Variants in SCHIP1 observed in about 807,000 individuals in gnomAD.
The protein encoded by SCHIP1 is schwannomin interacting protein 1, also known as schwannomin-interacting protein 1.
In SCHIP1, 8 loss-of-function variants were observed where a neutral mutation model predicts 29.7. That is an observed-to-expected ratio of 0.27 (90% CI 0.16 to 0.49). The LOEUF (loss-of-function observed/expected upper bound fraction) is 0.49. SCHIP1 is among the 20% of genes least tolerant of loss of function. SCHIP1 has a pLI of 0.99. For missense variants in SCHIP1, 193 were observed against 294.6 expected (o/e 0.66, Z 2.52); for synonymous variants, 76 against 94.9 (o/e 0.80, Z 1.16).
At chr3:159,651,384 G>C in the SCHIP1 span, among the ~76,000 whole-genome samples, 1 of 152,138 alleles carries the variant, frequency 6.6e-6, no homozygotes, top group South Asian at 2.1e-4. Flanking sequence ...ATTTAGAAGT[G>C]TCCCCATGCA....
chr3:159,717,927 A>G, the SCHIP1 span, among the ~76,000 whole-genome samples: 2 of 152,192 alleles, frequency 1.3e-5, no homozygotes, highest in Non-Finnish European at 2.9e-5. Flanking sequence ...GACACAACAA[A>G]AAAAGAGAAT....
the SCHIP1 span, among the ~76,000 whole-genome samples, chr3:159,637,966 A>G: frequency 6.6e-6 from 1 of 152,234 alleles, no homozygotes; most frequent in Non-Finnish European, 1.5e-5. Context: ...CCATCTATGT[A>G]TCACAATGTG....
chr3:159,425,463 A>G, the SCHIP1 span, among the ~76,000 whole-genome samples: 1 of 152,068 alleles, frequency 6.6e-6, no homozygotes, highest in Non-Finnish European at 1.5e-5. Flanking sequence ...ACATAATGGT[A>G]AAGGGATCAA....
At chr3:159,328,116 G>A in the SCHIP1 span, among the ~76,000 whole-genome samples, 1 of 152,048 alleles carries the variant, frequency 6.6e-6, no homozygotes, top group South Asian at 2.1e-4. Flanking sequence ...TGTGCCTATT[G>A]GAATTTAAAT....
the SCHIP1 span, among the ~76,000 whole-genome samples, chr3:159,609,842 A>G: frequency 6.6e-6 from 1 of 152,018 alleles, no homozygotes; most frequent in South Asian, 2.1e-4. Context: ...GGAATTTAGA[A>G]TTTATTTGCT....
the SCHIP1 span, among the ~76,000 whole-genome samples, chr3:159,357,632 C>A: frequency 0.11 from 16,562 of 152,176 alleles, 2,754 homozygotes; most frequent in African/African-American, 0.36. Flanking sequence ...CTTTATTCAT[C>A]CTGTTTTTAG....
At chr3:159,379,515 G>A in the SCHIP1 span, among the ~76,000 whole-genome samples, 3 of 152,102 alleles carry the variant, frequency 2.0e-5, no homozygotes, top group Non-Finnish European at 2.9e-5. Flanking sequence ...GAGCCACCTT[G>A]CCCAGCCAAT....
chr3:159,725,665 A>T, the SCHIP1 span, among the ~76,000 whole-genome samples: 1 of 152,226 alleles, frequency 6.6e-6, no homozygotes, highest in Admixed American at 6.5e-5. Flanking sequence ...ACTTTCAAGA[A>T]GAAAAAGGTG....
the SCHIP1 span, among the ~76,000 whole-genome samples, chr3:159,748,855 G>A: frequency 6.6e-6 from 1 of 152,060 alleles, no homozygotes. Flanking sequence ...ACTAAAAATG[G>A]GTAACCAAAC....
chr3:159,412,911 A>G, the SCHIP1 span, among the ~76,000 whole-genome samples: 2 of 152,156 alleles, frequency 1.3e-5, no homozygotes, highest in Admixed American at 1.3e-4. Context: ...CCATTCTCAC[A>G]CTGCTATAAA....
Position 159,849,967 on chromosome 3 carries a change from C to G in SCHIP1, c.30+9753C>G, listed in dbSNP as rs1712363236. On this transcript the variant is annotated intron_variant, in intron 1 of 6. Transcript: ENST00000445224. ...AGTGTTCTACATGCTATGGGGTAAACAAGATGACAAATCCCTGTCCCCTTA... is the reference window on the plus strand; with the variant it reads ...AGTGTTCTACATGCTATGGGGTAAAGAAGATGACAAATCCCTGTCCCCTTA... Among the ~76,000 whole-genome samples the G allele has an allele frequency of 1.3e-5, 2 of 152,282 alleles. 1 individual carries two copies.
the SCHIP1 span, among the ~76,000 whole-genome samples, chr3:159,512,470 T>A: frequency 1.3e-5 from 2 of 152,218 alleles, no homozygotes; most frequent in Non-Finnish European, 2.9e-5. Context: ...CTATCCCACA[T>A]GAACAAGTTT....
chr3:159,511,056 GC>G, the SCHIP1 span, among the ~76,000 whole-genome samples: 1 of 152,240 alleles, frequency 6.6e-6, no homozygotes, highest in African/African-American at 2.4e-5. Flanking sequence ...GCTATGCCCT[GC>G]CCCCAGAGGT....
the SCHIP1 span, among the ~76,000 whole-genome samples, chr3:159,508,629 A>G: frequency 6.6e-6 from 1 of 152,176 alleles, no homozygotes; most frequent in Non-Finnish European, 1.5e-5. Flanking sequence ...CCCGCTACAC[A>G]CTGCTCTAAA....
chr3:159,699,482 C>T, the SCHIP1 span, among the ~76,000 whole-genome samples: 1 of 152,168 alleles, frequency 6.6e-6, no homozygotes, highest in Admixed American at 6.5e-5. Flanking sequence ...TGAGTGAAGT[C>T]ATCTGGGATG....
the SCHIP1 span, among the ~76,000 whole-genome samples, chr3:159,501,705 G>A: frequency 6.6e-6 from 1 of 152,014 alleles, no homozygotes; most frequent in Non-Finnish European, 1.5e-5. Flanking sequence ...AAACTTAATA[G>A]TCACCTATAA....
chr3:159,804,713 G>T, the SCHIP1 span, among the ~76,000 whole-genome samples: 4 of 152,212 alleles, frequency 2.6e-5, no homozygotes, highest in African/African-American at 9.6e-5. Context: ...AAACTAACCT[G>T]GCTTCACAGT....
At chr3:159,883,928 C>T (rs959636555) in intron 2 of SCHIP1, among the ~76,000 whole-genome samples, 2 of 152,082 alleles carry the variant, frequency 1.3e-5, no homozygotes, top group Admixed American at 1.3e-4. Flanking sequence ...AAGAAGTCAG[C>T]GTGGCCGCAG....
chr3:159,793,199 T>C, the SCHIP1 span, among the ~76,000 whole-genome samples: 4 of 152,182 alleles, frequency 2.6e-5, no homozygotes, highest in Non-Finnish European at 5.9e-5. Flanking sequence ...TTCTGATTTA[T>C]TTAGGACCCT....
Sources: allele counts gnomAD v4.1 joint callset (sites outside exome capture counted in the v4.1 genomes callset), GRCh38; gene constraint gnomAD v4.1.1; transcripts MANE v1.5; gene names NCBI Gene and HGNC (gene_info 2026-07-23, HGNC 2026-07-21).